The following PTPRT variants were observed in gnomAD, a reference collection of about 807,000 sequenced individuals.
PTPRT encodes receptor-type tyrosine-protein phosphatase T.
Under a neutral mutation model 176.8 loss-of-function variants are expected in PTPRT, and 56 were observed. The observed-to-expected ratio is 0.32, with a 90% CI of 0.26 to 0.40. The LOEUF is 0.40. Ranked by LOEUF, PTPRT falls within the 10% of genes least tolerant of loss-of-function variation. PTPRT has a pLI of 1.00. For missense variants in PTPRT, 1,540 were observed against 1,908.2 expected (o/e 0.81, Z 3.60); for synonymous variants, 783 against 739.0 (o/e 1.06, Z -0.96).
chr20:42,749,233 T>G (rs2076735230), intron 6 of PTPRT, among the ~76,000 whole-genome samples: 1 of 152,146 alleles, frequency 6.6e-6, no homozygotes. Flanking sequence ...AGGCTCCTAT[T>G]CTGGTACAAA....
At chr20:42,452,790 ATTTATTTAT>A (rs2070854677) in intron 8 of PTPRT, among the ~76,000 whole-genome samples, 1 of 152,162 alleles carries the variant, frequency 6.6e-6, no homozygotes, top group African/African-American at 2.4e-5. Context: ...TTGTTCTATA[ATTTATTTAT>A]TTTCTGTTTT....
intron 1 of PTPRT, among the ~76,000 whole-genome samples, chr20:43,177,206 A>G (rs2015142977): frequency 6.6e-6 from 1 of 152,202 alleles, no homozygotes; most frequent in Non-Finnish European, 1.5e-5. Context: ...AAACATGCCT[A>G]AAACATGAGA....
intron 27 of PTPRT, among the ~76,000 whole-genome samples, chr20:42,094,345 G>A (rs1018860556): frequency 9.6e-6 from 1 of 104,466 alleles, no homozygotes; most frequent in African/African-American, 4.4e-5. Flanking sequence ...TCTGTTTTAT[G>A]AGAATTCATT....
intron 1 of PTPRT, among the ~76,000 whole-genome samples, chr20:43,007,453 T>A (rs1463545264): frequency 6.6e-6 from 1 of 152,234 alleles, no homozygotes; most frequent in Non-Finnish European, 1.5e-5. Flanking sequence ...TTTCAATAAC[T>A]TTGATATGTA....
In PTPRT at chr20:43,144,142, GCCAATGGCT is replaced by G. The variant is rs1266289571; in HGVS notation, c.88+45495_88+45503del. On this transcript the variant is annotated intron_variant, in intron 1 of 30. Coordinates refer to ENST00000373187, the MANE Select transcript of PTPRT (RefSeq NM_007050.6). ...TCCACGATTCAGTGATCAACTTTGT[GCCAATGGCT>G]CCAAGGTCTAAAATTTCAGCCTCTA... is the stretch of plus-strand genomic sequence containing the variant. Among the ~76,000 whole-genome samples, 7 of 152,198 alleles carry G rather than the reference GCCAATGGCT, an allele frequency of 4.6e-5. No homozygotes were observed. The East Asian group carries it at 1.4e-3, about 29-fold the overall frequency.
chr20:42,437,570 C>T lies in PTPRT; in HGVS notation c.1560+10650G>A, dbSNP rs113078416. ...GACATGGTATGTATGTATGTATGTA[C>T]GTATGTATGTATGTATTGAAACCAT... On this transcript the variant is annotated intron_variant, in intron 9 of 30. Transcript: ENST00000373187. Among the ~76,000 whole-genome samples, 1,506 of 152,116 alleles carry T rather than the reference C, an allele frequency of 9.9e-3. 29 individuals are homozygous for T. The highest frequency in any genetic ancestry group is 0.035 in the African/African-American group (1,438 of 41,480).
At chr20:42,582,471 T>C (rs1468138208) in intron 7 of PTPRT, among the ~76,000 whole-genome samples, 1 of 152,162 alleles carries the variant, frequency 6.6e-6, no homozygotes, top group Non-Finnish European at 1.5e-5. Flanking sequence ...CCACCTATAG[T>C]TGTGCACAAA....
intron 17 of PTPRT, among the ~76,000 whole-genome samples, chr20:42,158,785 T>C (rs1482761180): frequency 6.6e-6 from 1 of 152,248 alleles, no homozygotes; most frequent in African/African-American, 2.4e-5. Context: ...AGCTTGCTGA[T>C]TAATATAATT....
chr20:42,112,486 T>G (rs1987055273), intron 22 of PTPRT, among the ~76,000 whole-genome samples: 1 of 152,198 alleles, frequency 6.6e-6, no homozygotes, highest in African/African-American at 2.4e-5. Context: ...TACGTGGGAC[T>G]TTCAGTGCTA....
chr20:43,083,340 ATATATATATATATATATATATATATATAT>A lies in PTPRT; in HGVS notation c.88+106277_88+106305del, dbSNP rs1568773995. Among the ~76,000 whole-genome samples, 5 of 107,304 alleles carry A rather than the reference ATATATATATATATATATATATATATATAT, an allele frequency of 4.7e-5. 1 individual carries two copies. Among genetic ancestry groups the A allele is most frequent in the African/African-American group, 1.6e-4 (5 of 31,402 alleles). The allele number at this position is 107,304 out of a possible 152,430, so 70.4% of individuals were successfully genotyped here. A position where few individuals can be genotyped will look rare whatever the true frequency, so the allele number is the denominator to read the frequency against. ...CAAATGTATATATATATATATATAT[ATATATATATATATATATATATATATATAT>A]ACATTTTTTGAGACAGAGTCTCGCT... On this transcript the variant is annotated intron_variant, in intron 1 of 30. Transcript: ENST00000373187.
intron 6 of PTPRT, among the ~76,000 whole-genome samples, chr20:42,699,812 C>T (rs563597587): frequency 4.6e-5 from 7 of 152,114 alleles, no homozygotes; most frequent in Non-Finnish European, 8.8e-5. Context: ...AATTCTGAAT[C>T]GACAAAATTT....
At chr20:42,749,751 G>A (rs2076743769) in intron 6 of PTPRT, among the ~76,000 whole-genome samples, 1 of 152,128 alleles carries the variant, frequency 6.6e-6, no homozygotes, top group African/African-American at 2.4e-5. Context: ...TGACACAGTT[G>A]GGCTCCATAA....
At chr20:42,508,127 TTGTGTGTG>T (rs57895943) in intron 7 of PTPRT, among the ~76,000 whole-genome samples, 1 of 146,614 alleles carries the variant, frequency 6.8e-6, no homozygotes, top group Non-Finnish European at 1.5e-5. Flanking sequence ...ATTACCCTTT[TTGTGTGTG>T]TGTGTGTGTG....
At chr20:42,918,336 C>T (rs1241204628) in intron 1 of PTPRT, among the ~76,000 whole-genome samples, 1 of 152,194 alleles carries the variant, frequency 6.6e-6, no homozygotes, top group Non-Finnish European at 1.5e-5. Flanking sequence ...TTTCCCTGTA[C>T]AGCTTAGATA....
chr20:42,063,201 G>A, the PTPRT span, among the ~76,000 whole-genome samples: 1 of 152,094 alleles, frequency 6.6e-6, no homozygotes, highest in East Asian at 1.9e-4. Context: ...TTGTGACGAG[G>A]GCATTTTGTC....
At position 42,458,649 on chromosome 20, in the gene PTPRT, C is replaced by T. The variant is rs566975496; in HGVS notation, c.1451-10320G>A. 5.6e-4 allele frequency among the ~76,000 whole-genome samples: 86 copies of T among 152,242 alleles called. 1 individual carries two copies. Among genetic ancestry groups the T allele is most frequent in the African/African-American group, 2.0e-3 (85 of 41,538 alleles). On this transcript the variant is annotated intron_variant, in intron 8 of 30. Transcript: ENST00000373187. ...TTTGTAGAGACAATTAAGATTGTTG[C>T]TATTTCCTGTGATGTCCTTACCTCA...
At chr20:42,732,000 G>A (rs906610708) in intron 6 of PTPRT, among the ~76,000 whole-genome samples, 5 of 152,114 alleles carry the variant, frequency 3.3e-5, no homozygotes, top group African/African-American at 4.8e-5. Context: ...CTTACTTTCT[G>A]TCGTGATGCT....
At chr20:42,732,613 A>G (rs1454384783) in intron 6 of PTPRT, among the ~76,000 whole-genome samples, 1 of 152,178 alleles carries the variant, frequency 6.6e-6, no homozygotes, top group Admixed American at 6.5e-5. Flanking sequence ...ACAGAGGTAA[A>G]AGCATCAAAT....
At chr20:42,990,224 C>T (rs983252571) in intron 1 of PTPRT, among the ~76,000 whole-genome samples, 1 of 152,112 alleles carries the variant, frequency 6.6e-6, no homozygotes, top group Non-Finnish European at 1.5e-5. Flanking sequence ...TGGTTGGCTG[C>T]TTATTCTAAA....
Sources: allele counts gnomAD v4.1 joint callset (sites outside exome capture counted in the v4.1 genomes callset), GRCh38; gene constraint gnomAD v4.1.1; transcripts MANE v1.5; gene names NCBI Gene and HGNC (gene_info 2026-07-23, HGNC 2026-07-21).